MNAT1: variants seen among roughly 807,000 people sequenced by gnomAD.
The protein encoded by MNAT1 is CDK-activating kinase assembly factor MAT1.
A neutral mutation model predicts 42.0 loss-of-function variants in MNAT1; 43 were observed. The ratio of observed to expected loss-of-function variants is 1.02; its 90% CI spans 0.80 to 1.32. MNAT1 has a LOEUF of 1.32. MNAT1 is among the 40% of genes most tolerant of loss of function. MNAT1 has a pLI of 0.00. For synonymous variants in MNAT1, 118 were observed against 120.0 expected (o/e 0.98, Z 0.11); for missense variants, 306 against 350.4 (o/e 0.87, Z 1.01).
chr14:60,936,125 C>T (rs1464918339), intron 7 of MNAT1, among the ~76,000 whole-genome samples: 1 of 152,162 alleles, frequency 6.6e-6, no homozygotes, highest in African/African-American at 2.4e-5. Context: ...TGTGGGCATG[C>T]TCAGACAAGG....
intron 7 of MNAT1, among the ~76,000 whole-genome samples, chr14:60,955,353 G>C (rs1167260663): frequency 6.6e-6 from 1 of 151,734 alleles, no homozygotes; most frequent in Non-Finnish European, 1.5e-5. Context: ...TTTCTTTAAT[G>C]ACATTAAAAA....
intron 1 of MNAT1, among the ~76,000 whole-genome samples, chr14:60,749,374 A>C (rs1377362212): frequency 2.6e-5 from 4 of 152,234 alleles, no homozygotes; most frequent in Non-Finnish European, 5.9e-5. Flanking sequence ...ATACAAATAC[A>C]AATAGAAATG....
chr14:60,887,442 A>G (rs956198478), intron 7 of MNAT1, among the ~76,000 whole-genome samples: 2 of 120,482 alleles, frequency 1.7e-5, no homozygotes, highest in Non-Finnish European at 1.6e-5. Flanking sequence ...TCCTGTGTCC[A>G]TGTGTTCTCA....
chr14:60,746,521 A>C (rs973222848), intron 1 of MNAT1, among the ~76,000 whole-genome samples: 1 of 151,856 alleles, frequency 6.6e-6, no homozygotes, highest in Non-Finnish European at 1.5e-5. Flanking sequence ...TCTCAAAAAA[A>C]AAAAAAGAAG....
At position 60,812,074 on chromosome 14, in the gene MNAT1, C is replaced by T. The variant is rs748569722; in HGVS notation, c.508C>T (p.Gln170Ter). The change falls in exon 5 of 8, where the codon CAA becomes TAA. Residue 170 changes from glutamine to a stop codon, truncating the protein, a stop_gained. Transcript: ENST00000261245. LOFTEE classifies it high-confidence loss of function. ...AAGATTATTTATACAAAAAGAAGAA[C>T]AACTGCAGCAGATTCTAAAAAGGAA... ...QRRLFIQKEEQLQQILKRKNK... is the reference protein window; with the variant it reads ...QRRLFIQKEE 4.4e-6 allele frequency: 7 copies of T among 1,600,100 alleles called. No individual in the cohort carries two copies. Among genetic ancestry groups the T allele is most frequent in the Non-Finnish European group, 4.3e-6 (5 of 1,174,254 alleles).
intron 6 of MNAT1, among the ~76,000 whole-genome samples, chr14:60,853,797 A>T (rs2033888278): frequency 6.6e-6 from 1 of 152,190 alleles, no homozygotes; most frequent in African/African-American, 2.4e-5. Context: ...GCATCTATTG[A>T]GAAAATCATG....
At chr14:60,968,059 G>A (rs4151408) in intron 7 of MNAT1, among the ~76,000 whole-genome samples, 170 bp from the exon 8 acceptor site, 28,886 of 152,180 alleles carry the variant, frequency 0.19, 3,500 homozygotes, top group Middle Eastern at 0.27. Flanking sequence ...TCCATGTACA[G>A]TTGGTATGTT....
chr14:60,929,164 A>ATATATATATATAT (rs1396036965), intron 7 of MNAT1, among the ~76,000 whole-genome samples: 2 of 119,364 alleles, frequency 1.7e-5, no homozygotes, highest in African/African-American at 7.6e-5. Context: ...AAAAAAAAAA[A>ATATATATATATAT]AAAAAAATAT....
chr14:60,791,056 C>G (rs900711898), intron 1 of MNAT1, among the ~76,000 whole-genome samples: 20 of 152,132 alleles, frequency 1.3e-4, no homozygotes, highest in Admixed American at 9.8e-4. Flanking sequence ...GTTTTTCTGG[C>G]ACAGCTTTAT....
At chr14:60,884,251 T>A (rs2034613137) in intron 7 of MNAT1, among the ~76,000 whole-genome samples, 1 of 152,068 alleles carries the variant, frequency 6.6e-6, no homozygotes, top group Non-Finnish European at 1.5e-5. Context: ...TATACCCAGG[T>A]TTTTGAGGGT....
intron 2 of MNAT1, 138 bp downstream of exon 2, chr14:60,796,507 T>C: frequency 1.4e-6 from 1 of 728,860 alleles, no homozygotes; most frequent in Non-Finnish European, 2.2e-6. Context: ...CTTAGAGAAC[T>C]GAGTAATATT....
Position 60,914,532 on chromosome 14 carries a change from A to G in MNAT1, c.809+34697A>G, listed in dbSNP as rs567120403. Among the ~76,000 whole-genome samples the G allele has an allele frequency of 8.4e-4, 116 of 137,996 alleles. 1 individual carries two copies. In the South Asian group the frequency reaches 0.017, roughly 20 times the overall value. The allele number at this position is 137,996 out of a possible 152,430, so 90.5% of individuals were successfully genotyped here. A position where few individuals can be genotyped will look rare whatever the true frequency, so the allele number is the denominator to read the frequency against. On this transcript the variant is annotated intron_variant, in intron 7 of 7. Coordinates refer to ENST00000261245, the MANE Select transcript of MNAT1 (RefSeq NM_002431.4). Reference sequence around the variant, plus strand: ...TCATGGTTATTACAGAAAATAATTTAGTTGTGTAGAGGCACAGATATGGTA... The same window carrying G: ...TCATGGTTATTACAGAAAATAATTTGGTTGTGTAGAGGCACAGATATGGTA...
chr14:60,960,064 T>C (rs1204145721), intron 7 of MNAT1, among the ~76,000 whole-genome samples: 1 of 152,180 alleles, frequency 6.6e-6, no homozygotes, highest in African/African-American at 2.4e-5. Context: ...TCAATGGACA[T>C]TTGGTTGTTT....
chr14:60,914,262 C>T (rs1006335638), intron 7 of MNAT1, among the ~76,000 whole-genome samples: 1 of 152,210 alleles, frequency 6.6e-6, no homozygotes. Context: ...TCCCTGACCC[C>T]TTGCGCTTCC....
At chr14:60,876,331 A>G (rs868306005) in intron 6 of MNAT1, among the ~76,000 whole-genome samples, 11 of 152,004 alleles carry the variant, frequency 7.2e-5, no homozygotes, top group Admixed American at 7.2e-4. Context: ...CTGACATTAC[A>G]CTTTTTTTCT....
At chr14:60,898,942 G>C (rs567139639) in intron 7 of MNAT1, among the ~76,000 whole-genome samples, 2 of 152,156 alleles carry the variant, frequency 1.3e-5, no homozygotes, top group Non-Finnish European at 2.9e-5. Context: ...TATATGGTGA[G>C]AGATAGGAGT....
chr14:60,861,630 A>G (rs1260241633), intron 6 of MNAT1, among the ~76,000 whole-genome samples: 1 of 152,226 alleles, frequency 6.6e-6, no homozygotes, highest in African/African-American at 2.4e-5. Context: ...TAATGAAAAA[A>G]TTAGAAGAAT....
chr14:60,780,216 C>T, intron 1 of MNAT1: 2 of 1,448,370 alleles, frequency 1.4e-6, no homozygotes, highest in South Asian at 2.3e-5. Flanking sequence ...TACAAGTGTT[C>T]AGTTCAGAAA....
chr14:60,748,475 C>G (rs1231073339), intron 1 of MNAT1, among the ~76,000 whole-genome samples: 1 of 152,244 alleles, frequency 6.6e-6, no homozygotes, highest in East Asian at 1.9e-4. Context: ...AAGTGATCCT[C>G]TCGCCTTGGC....
Sources: gnomAD v4.1 joint callset for allele counts (sites outside exome capture counted in the v4.1 genomes callset) on GRCh38, gnomAD v4.1.1 for gene constraint, MANE v1.5 for transcripts, NCBI Gene and HGNC (gene_info 2026-07-23, HGNC 2026-07-21) for gene names.